The following ST3GAL6 variants were observed in gnomAD, a reference collection of about 807,000 sequenced individuals.
ST3GAL6 encodes type 2 lactosamine alpha-2,3-sialyltransferase.
In ST3GAL6, 31 loss-of-function variants were observed where a neutral mutation model predicts 40.5. The ratio of observed to expected loss-of-function variants is 0.77; its 90% CI spans 0.58 to 1.03. The LOEUF is 1.03. Ranked by LOEUF, ST3GAL6 falls within the 50% of genes least tolerant of loss-of-function variation. The pLI is 0.00. For synonymous variants in ST3GAL6, 129 were observed against 136.9 expected (o/e 0.94, Z 0.40); for missense variants, 357 against 393.2 (o/e 0.91, Z 0.78).
At chr3:98,735,364 A>G (rs948982943) in intron 1 of ST3GAL6, among the ~76,000 whole-genome samples, 5 of 152,144 alleles carry the variant, frequency 3.3e-5, no homozygotes, top group African/African-American at 1.2e-4. Flanking sequence ...TGGTCTGAAT[A>G]TGCCTTTCTA....
At chr3:98,770,703 A>G (rs1938882350) in intron 2 of ST3GAL6, among the ~76,000 whole-genome samples, 176 bp from the exon 3 acceptor site, 2 of 151,904 alleles carry the variant, frequency 1.3e-5, no homozygotes, top group Non-Finnish European at 2.9e-5. Context: ...CATGAATCTC[A>G]GGTGTGTGTA....
upstream of ST3GAL6, among the ~76,000 whole-genome samples, chr3:98,759,539 A>G (rs1338983144): frequency 6.6e-6 from 1 of 152,128 alleles, no homozygotes; most frequent in Non-Finnish European, 1.5e-5. Flanking sequence ...GCTGGAGGGG[A>G]ACCCGTGTAA....
chr3:98,734,682 A>C (rs1212659054), intron 1 of ST3GAL6, among the ~76,000 whole-genome samples: 1 of 152,154 alleles, frequency 6.6e-6, no homozygotes, highest in Non-Finnish European at 1.5e-5. Context: ...GCCCTATATC[A>C]ATAATAATAA....
chr3:98,741,542 T>TAGAGTCAAGCATTTCAGGAGATGAGTCA (rs1158583472), intron 1 of ST3GAL6, among the ~76,000 whole-genome samples: 8 of 152,048 alleles, frequency 5.3e-5, no homozygotes, highest in African/African-American at 1.9e-4. Flanking sequence ...TTGGTGTTAC[T>TAGAGTCAAGCATTTCAGGAGATGAGTCA]AGAGTCAAGC....
rs1939374968 is a variant in ST3GAL6, at chr3:98,774,941, A to G, written c.335+958A>G. Reference sequence around the variant, plus strand: ...TATGCCATCAACCTAATCAATTTTAATTTTGATTGCATATCAATAGCAACC... The same window carrying G: ...TATGCCATCAACCTAATCAATTTTAGTTTTGATTGCATATCAATAGCAACC... On this transcript the variant is annotated intron_variant, in intron 5 of 9. Coordinates refer to ENST00000483910, the MANE Select transcript of ST3GAL6 (RefSeq NM_001323368.2). 2.0e-5 allele frequency among the ~76,000 whole-genome samples: 3 copies of G among 152,310 alleles called. No individual in the cohort carries two copies. In the South Asian group the frequency reaches 6.2e-4, roughly 32 times the overall value.
chr3:98,756,379 T>C (rs562059462), intron 1 of ST3GAL6: 2 of 1,289,662 alleles, frequency 1.6e-6, no homozygotes, highest in Non-Finnish European at 2.0e-6. Context: ...CATTTGCAAG[T>C]GAGGAAGCAG....
intron 4 of ST3GAL6, 148 bp from the exon 5 acceptor site, chr3:98,773,772 T>G (rs1939244110): frequency 1.8e-6 from 1 of 549,448 alleles, no homozygotes; most frequent in African/African-American, 1.9e-5. Context: ...GCTGGCTAAT[T>G]GCAGTTGTAT....
At chr3:98,738,342 T>C (rs1935750822) in intron 1 of ST3GAL6, among the ~76,000 whole-genome samples, 1 of 152,004 alleles carries the variant, frequency 6.6e-6, no homozygotes, top group Admixed American at 6.6e-5. Flanking sequence ...GGCACAATCA[T>C]TCTTCACTGC....
intron 1 of ST3GAL6, among the ~76,000 whole-genome samples, chr3:98,741,436 TGAGAG>T (rs1215873226): frequency 9.9e-5 from 15 of 151,390 alleles, no homozygotes; most frequent in African/African-American, 3.4e-4. Context: ...GGGGGCAGGG[TGAGAG>T]GAGAGGGAGA....
At position 98,770,150 on chromosome 3, in the gene ST3GAL6, A is replaced by G. The variant is rs112291156; in HGVS notation, c.90-729A>G. On this transcript the variant is annotated intron_variant, in intron 2 of 9. Transcript: ENST00000483910. ...GAAGAAAATTGATTAGTTTTTAAATATGAATTCTTCACATAACTGATGATC... is the reference window on the plus strand; with the variant it reads ...GAAGAAAATTGATTAGTTTTTAAATGTGAATTCTTCACATAACTGATGATC... 8.8e-3 allele frequency among the ~76,000 whole-genome samples: 1,347 copies of G among 152,330 alleles called. 24 individuals carry two copies. The highest frequency in any genetic ancestry group is 0.031 in the African/African-American group (1,289 of 41,576).
intron 9 of ST3GAL6, among the ~76,000 whole-genome samples, chr3:98,792,610 G>C (rs962891359): frequency 1.3e-5 from 2 of 149,736 alleles, no homozygotes; most frequent in Non-Finnish European, 3.0e-5. Context: ...AGGTTGAAGT[G>C]ATTCTCCTGC....
chr3:98,733,982 G>A (rs879293443), intron 1 of ST3GAL6, among the ~76,000 whole-genome samples: 1 of 152,174 alleles, frequency 6.6e-6, no homozygotes, highest in African/African-American at 2.4e-5. Flanking sequence ...GACCAGCTGG[G>A]TGCTGTGAGT....
At chr3:98,735,317 C>T (rs761415457) in intron 1 of ST3GAL6, among the ~76,000 whole-genome samples, 2 of 152,206 alleles carry the variant, frequency 1.3e-5, no homozygotes. Context: ...GCATATCTTT[C>T]TCCTTTGCCT....
At chr3:98,785,876 A>C (rs1316068023) in intron 6 of ST3GAL6, among the ~76,000 whole-genome samples, 1 of 152,120 alleles carries the variant, frequency 6.6e-6, no homozygotes, top group Non-Finnish European at 1.5e-5. Context: ...TAGGAGAGGA[A>C]GAGATATGTG....
At chr3:98,769,791 G>A (rs778300783) in intron 2 of ST3GAL6, among the ~76,000 whole-genome samples, 2 of 148,082 alleles carry the variant, frequency 1.4e-5, no homozygotes, top group East Asian at 2.0e-4. Context: ...TCACCCAAAG[G>A]TTGTCTTCAC....
intron 1 of ST3GAL6, among the ~76,000 whole-genome samples, chr3:98,763,931 C>T (rs973739187): frequency 6.6e-6 from 1 of 152,128 alleles, no homozygotes; most frequent in Non-Finnish European, 1.5e-5. Flanking sequence ...TAGTCGAGGG[C>T]TCCTCAGACT....
intron 1 of ST3GAL6, among the ~76,000 whole-genome samples, chr3:98,750,791 A>G (rs1436011692): frequency 6.6e-6 from 1 of 152,152 alleles, no homozygotes; most frequent in African/African-American, 2.4e-5. Context: ...TAGGCAGTCC[A>G]AATATTAGCA....
intron 1 of ST3GAL6, chr3:98,756,374 G>A: frequency 7.8e-7 from 1 of 1,289,738 alleles, no homozygotes; most frequent in Non-Finnish European, 1.0e-6. Flanking sequence ...TTCAGCATTT[G>A]CAAGTGAGGA....
At chr3:98,749,510 A>G (rs1233237703) in intron 1 of ST3GAL6, among the ~76,000 whole-genome samples, 1 of 152,220 alleles carries the variant, frequency 6.6e-6, no homozygotes, top group East Asian at 1.9e-4. Context: ...AAAATAGCAG[A>G]AAAGGTAAGG....
Sources: gnomAD v4.1 joint callset for allele counts (sites outside exome capture counted in the v4.1 genomes callset) on GRCh38, gnomAD v4.1.1 for gene constraint, MANE v1.5 for transcripts, NCBI Gene and HGNC (gene_info 2026-07-23, HGNC 2026-07-21) for gene names.